SERPINB1: variants seen among roughly 807,000 people sequenced by gnomAD.
SERPINB1 encodes the protein leukocyte elastase inhibitor.
Under a neutral mutation model 25.9 loss-of-function variants are expected in SERPINB1, and 23 were observed. That is an observed-to-expected ratio of 0.89 (90% CI 0.64 to 1.26). The LOEUF (loss-of-function observed/expected upper bound fraction) is 1.26. SERPINB1 is among the 50% of genes most tolerant of loss of function. The probability of loss-of-function intolerance (pLI) is 0.00; values close to 1 mark genes in which losing one functional copy is unlikely to be tolerated. For missense variants in SERPINB1, 399 were observed against 463.6 expected (o/e 0.86, Z 1.28); for synonymous variants, 178 against 178.7 (o/e 1.00, Z 0.03).
Position 2,832,447 on chromosome 6 carries a change from T to A in SERPINB1, c.*1161A>T, listed in dbSNP as rs2113526457. ...AAGAACTACATTTGACAAAGTTTTATATCAGTCCAAGAGCCCCCACCCCAT... is the reference window on the plus strand; with the variant it reads ...AAGAACTACATTTGACAAAGTTTTAAATCAGTCCAAGAGCCCCCACCCCAT... On this transcript the variant is annotated 3_prime_UTR_variant, in exon 7 of 7. Transcript: ENST00000380739. 1 of 152,298 alleles carries A rather than the reference T, an allele frequency of 6.6e-6. No homozygotes were observed. The highest frequency in any genetic ancestry group is 2.1e-4 in the South Asian group (1 of 4,828). The allele number at this position is 152,298 out of a possible 1,614,324, so 9.4% of individuals were successfully genotyped here.
rs755734131 is a variant in SERPINB1, at chr6:2,836,107, C to T, written c.567+1G>A. 1.2e-6 allele frequency: 2 copies of T among 1,613,974 alleles called. No homozygotes were observed. On this transcript the variant is annotated splice_donor_variant, in intron 5 of 6. Transcript: ENST00000380739. LOFTEE classifies it high-confidence loss of function. ...GACTCTGTACAGTTACCTCACCTCA[C>T]CTTATTCAATCTGAATGGTGCATTC...
intron 4 of SERPINB1, among the ~76,000 whole-genome samples, chr6:2,836,581 C>T (rs116301182): frequency 0.011 from 1,641 of 152,054 alleles, 46 homozygotes; most frequent in African/African-American, 0.038. Flanking sequence ...AACAACCATT[C>T]TTTTTTAGAA....
In SERPINB1 at chr6:2,836,189, T is replaced by C; in HGVS notation, c.486A>G (p.Val162=). 6.2e-7 allele frequency: 1 copy of C among 1,614,096 alleles called. No individual in the cohort carries two copies. The highest frequency in any genetic ancestry group is 8.5e-7 in the Non-Finnish European group (1 of 1,180,020). Residue 162 remains valine (V), a synonymous_variant, in exon 5 of 7, where the codon GTA becomes GTG. Transcript: ENST00000380739. The part of the protein sequence containing the change: ...MVDNMTKLVL[V]NAIYFKGNWK... ...AGTTTCCCTTGAAATAGATGGCATT[T>C]ACTAGCACAAGTTTGGTCATGTTAT...
At chr6:2,840,022 T>G (rs1450358834) in intron 2 of SERPINB1, among the ~76,000 whole-genome samples, 1 of 152,214 alleles carries the variant, frequency 6.6e-6, no homozygotes, top group African/African-American at 2.4e-5. Flanking sequence ...GAAAGTAGTG[T>G]TATATAACAG....
Position 2,837,979 on chromosome 6 carries a change from C to T in SERPINB1, c.327G>A (p.Gln109=). 6.2e-7 allele frequency: 1 copy of T among 1,613,304 alleles called. No homozygotes were observed. The highest frequency in any genetic ancestry group is 8.5e-7 in the Non-Finnish European group (1 of 1,179,652). The change falls in exon 4 of 7, where the codon CAG becomes CAA. Residue 109 remains glutamine, a synonymous_variant. Coordinates refer to ENST00000380739, the MANE Select transcript of SERPINB1 (RefSeq NM_030666.4). This position sits in a 1 kb window ranked among gnomAD's most constrained non-coding sequence, Gnocchi z 4.3. ...TGGCCAGGTCAGCACCATATGTTTT[C>T]TGAGTCGAAACCAAGAACTCCTATT... ...NFLPEFLVST[Q]KTYGADLASV... is the part of the protein sequence containing the mutation.
intron 2 of SERPINB1, chr6:2,839,498 G>GT: frequency 3.1e-6 from 3 of 975,272 alleles, no homozygotes; most frequent in Non-Finnish European, 2.4e-6. Context: ...TAGTAACAGA[G>GT]GTTTTTTTTT....
intron 2 of SERPINB1, 84 bp downstream of exon 2, chr6:2,840,335 C>T (rs1032697787): frequency 1.3e-6 from 2 of 1,522,216 alleles, no homozygotes; most frequent in Admixed American, 3.7e-5. Context: ...AAGGTAAGAG[C>T]TCAAAGGCAC....
chr6:2,834,238 T>A (rs1461993526), intron 6 of SERPINB1, among the ~76,000 whole-genome samples: 1 of 152,102 alleles, frequency 6.6e-6, no homozygotes, highest in Non-Finnish European at 1.5e-5. Context: ...GATTTGTACA[T>A]TGGGTCCATC....
intron 2 of SERPINB1, 22 bp from the exon 3 acceptor site, chr6:2,838,708 T>G (rs1392958042): frequency 1.3e-6 from 2 of 1,523,588 alleles, no homozygotes; most frequent in South Asian, 2.5e-5. Flanking sequence ...AAAATCTTCT[T>G]TCTACAACCA....
At chr6:2,834,111 T>C (rs1392327651) in intron 6 of SERPINB1, 99 bp from the exon 7 acceptor site, 4 of 1,140,408 alleles carry the variant, frequency 3.5e-6, no homozygotes, top group African/African-American at 1.6e-5. Context: ...TATCAGTTGC[T>C]AGTTAGTTTC....
chr6:2,835,982 T>A lies in SERPINB1; in HGVS notation c.609A>T (p.Lys203Asn). ...GGTCCTCGATGTAGCCATATGCAAA[T>A]TTTTTCTTCTGATACATCATTTTCA... ...KTVKMMYQKKKFAYGYIEDLK... is the reference protein window; with the variant it reads ...KTVKMMYQKKNFAYGYIEDLK... The change falls in exon 6 of 7, where the codon AAA becomes AAT. Residue 203 changes from lysine (K) to asparagine (N), a missense_variant. Physicochemically the swap from Lys to Asn is moderately conservative, Grantham distance 94. Coordinates refer to ENST00000380739, the MANE Select transcript of SERPINB1 (RefSeq NM_030666.4). 1 of 1,614,150 alleles carries A rather than the reference T, an allele frequency of 6.2e-7. No homozygotes were observed. Among genetic ancestry groups the A allele is most frequent in the Non-Finnish European group, 8.5e-7 (1 of 1,180,026 alleles).
chr6:2,838,780 T>A, intron 2 of SERPINB1, 94 bp from the exon 3 acceptor site: 2 of 973,640 alleles, frequency 2.1e-6, no homozygotes, highest in Non-Finnish European at 1.4e-6. Flanking sequence ...AATTAATGTG[T>A]TTTTATTACT....
chr6:2,833,274 A>G lies in SERPINB1; in HGVS notation c.*334T>C, dbSNP rs766132790. On this transcript the variant is annotated 3_prime_UTR_variant, in exon 7 of 7. Coordinates refer to ENST00000380739, the MANE Select transcript of SERPINB1 (RefSeq NM_030666.4). ...TAACTGCAAAATAAATGACCATCTT[A>G]TCATGTTTTCCCATGGCTATCAGGA... The G allele has an allele frequency of 2.5e-5, 5 of 197,432 alleles. No homozygotes were observed. The highest frequency in any genetic ancestry group is 4.0e-5 in the Non-Finnish European group (4 of 98,910). 12.2% of individuals were successfully genotyped at this position (197,432 alleles called of 1,614,324 possible).
At position 2,841,062 on chromosome 6, in the gene SERPINB1, C is replaced by T. The variant is rs562551120; in HGVS notation, c.-8-468G>A. 6.6e-6 allele frequency among the ~76,000 whole-genome samples: 1 copy of T among 152,348 alleles called. No homozygotes were observed. Among genetic ancestry groups the T allele is most frequent in the Non-Finnish European group, 1.5e-5 (1 of 68,030 alleles). On this transcript the variant is annotated intron_variant, in intron 1 of 6. Coordinates refer to ENST00000380739, the MANE Select transcript of SERPINB1 (RefSeq NM_030666.4). The surrounding 1 kb of genome is among the most constrained non-coding windows in gnomAD (Gnocchi z 4.5). ...TGAACTAAGAGCCTTCTATCAGAGA[C>T]TCAGCTACCTACTATGCATTAAAAC...
At position 2,838,002 on chromosome 6, in the gene SERPINB1, A is replaced by G. The variant is rs1259639377; in HGVS notation, c.307-3T>C. On this transcript the variant is annotated splice_region_variant and splice_polypyrimidine_tract_variant and intron_variant, in intron 3 of 6. Coordinates refer to ENST00000380739, the MANE Select transcript of SERPINB1 (RefSeq NM_030666.4). ...TTCTGAGTCGAAACCAAGAACTCCT[A>G]TTAAAAAAAAGGAAAAGGAAATATA... is the stretch of plus-strand genomic sequence containing the variant. 2.5e-6 allele frequency: 4 copies of G among 1,601,988 alleles called. No individual in the cohort carries two copies. The Admixed American group carries it at 5.1e-5, about 20-fold the overall frequency.
Position 2,833,873 on chromosome 6 carries a change from C to T in SERPINB1, c.875G>A (p.Gly292Asp). The T allele has an allele frequency of 6.2e-7, 1 of 1,614,172 alleles. No individual in the cohort carries two copies. Among genetic ancestry groups the T allele is most frequent in the Non-Finnish European group, 8.5e-7 (1 of 1,180,026 alleles). Residue 292 changes from glycine to aspartate, a missense_variant, in exon 7 of 7, where the codon GGT (glycine) becomes GAT (aspartate). Gly to Asp is a moderately conservative substitution (Grantham distance 94). Coordinates refer to ENST00000380739, the MANE Select transcript of SERPINB1 (RefSeq NM_030666.4). Reference sequence around the variant, plus strand: ...GCTACTGTTAAAGAGATCCTGCACACCTAGGCGGGCGAGGTCGGAGTTGAG... The same window carrying T: ...GCTACTGTTAAAGAGATCCTGCACATCTAGGCGGGCGAGGTCGGAGTTGAG... ...YTLNSDLARL[G>D]VQDLFNSSKA...
intron 2 of SERPINB1, 110 bp from the exon 3 acceptor site, chr6:2,838,796 T>C (rs1766568233): frequency 9.1e-6 from 8 of 883,938 alleles, no homozygotes; most frequent in East Asian, 3.1e-5. Context: ...TTACTAATTA[T>C]TGATGATCCC....
Position 2,836,257 on chromosome 6 carries a change from A to T in SERPINB1, c.425-7T>A. 6.3e-7 allele frequency: 1 copy of T among 1,587,710 alleles called. No individual in the cohort carries two copies. The highest frequency in any genetic ancestry group is 8.5e-7 in the Non-Finnish European group (1 of 1,170,662). On this transcript the variant is annotated splice_region_variant and splice_polypyrimidine_tract_variant and intron_variant, in intron 4 of 6. Coordinates refer to ENST00000380739, the MANE Select transcript of SERPINB1 (RefSeq NM_030666.4). ...AACAGTTCCGGAATTTTTCCTAAAA[A>T]AAAATCAAGTTAGCGTAAAAAAAAT... is the stretch of plus-strand genomic sequence containing the variant.
In SERPINB1 at chr6:2,837,986, G is replaced by A. The variant is rs199917219; in HGVS notation, c.320C>T (p.Ser107Leu). 25 of 1,611,182 alleles carry A rather than the reference G, an allele frequency of 1.6e-5. No homozygotes were observed. The highest frequency in any genetic ancestry group is 7.7e-5 in the South Asian group (7 of 90,710). ...TYNFLPEFLV[S>L]TQKTYGADLA... ...GTCAGCACCATATGTTTTCTGAGTC[G>A]AAACCAAGAACTCCTATTAAAAAAA... The change falls in exon 4 of 7, where the codon TCG (serine) becomes TTG (leucine). Residue 107 changes from serine to leucine, a missense_variant. Coordinates refer to ENST00000380739, the MANE Select transcript of SERPINB1 (RefSeq NM_030666.4). The surrounding 1 kb of genome is among the most constrained non-coding windows in gnomAD (Gnocchi z 4.3).
Sources: gnomAD v4.1 joint callset for allele counts (sites outside exome capture counted in the v4.1 genomes callset) on GRCh38, gnomAD v4.1.1 for gene constraint, Gnocchi (gnomAD v3.1) non-coding constraint, MANE v1.5 for transcripts, NCBI Gene and HGNC (gene_info 2026-07-23, HGNC 2026-07-21) for gene names.